The following MGME1 variants were observed in gnomAD, a reference collection of about 807,000 sequenced individuals.
MGME1 encodes the protein mitochondrial genome maintenance exonuclease 1, also known as chromosome 20 open reading frame 72.
MGME1 carries 22 observed loss-of-function variants against 33.0 expected under a neutral mutation model. The observed-to-expected ratio is 0.67, with a 90% CI of 0.48 to 0.95. The LOEUF is 0.95. MGME1 is among the 40% of genes least tolerant of loss of function. The pLI is 0.00. For synonymous variants in MGME1, 133 were observed against 144.0 expected, an observed-to-expected ratio of 0.92 and a Z score of 0.55; for missense variants, 383 against 397.8, an observed-to-expected ratio of 0.96 and a Z score of 0.32.
chr20:17,970,869 A>G (rs986649787), intron 2 of MGME1, among the ~76,000 whole-genome samples: 3 of 152,246 alleles, frequency 2.0e-5, no homozygotes, highest in Non-Finnish European at 4.4e-5. Context: ...GAGGTTCTTC[A>G]TAAGGATCTG....
intron 3 of MGME1, among the ~76,000 whole-genome samples, chr20:17,980,118 C>T (rs1351935284): frequency 6.6e-6 from 1 of 152,026 alleles, no homozygotes; most frequent in Non-Finnish European, 1.5e-5. Flanking sequence ...CTCTGCTTCC[C>T]GGGTTCAAGT....
intron 3 of MGME1, among the ~76,000 whole-genome samples, chr20:17,979,492 C>T (rs1005597980): frequency 7.3e-5 from 11 of 149,816 alleles, no homozygotes; most frequent in African/African-American, 2.2e-4. Flanking sequence ...GCTCACTGCA[C>T]GCTCCGCCTC....
At chr20:17,979,735 T>C (rs1424641150) in intron 3 of MGME1, among the ~76,000 whole-genome samples, 1 of 151,334 alleles carries the variant, frequency 6.6e-6, no homozygotes, top group Non-Finnish European at 1.5e-5. Context: ...TTTATTTTAT[T>C]TTAGTTTATT....
chr20:17,982,346 C>T (rs2036044524), intron 3 of MGME1, among the ~76,000 whole-genome samples: 2 of 152,078 alleles, frequency 1.3e-5, no homozygotes. Flanking sequence ...TCTCGAACTC[C>T]TGACCTCAGG....
At chr20:17,972,709 T>C (rs2035760450) in intron 2 of MGME1, 1 of 985,318 alleles carries the variant, frequency 1.0e-6, no homozygotes, top group African/African-American at 1.7e-5. Context: ...TAATCTAGGT[T>C]TTCATGTTTG....
chr20:17,981,941 C>T (rs1163451204), intron 3 of MGME1, among the ~76,000 whole-genome samples: 1 of 151,972 alleles, frequency 6.6e-6, no homozygotes, highest in Non-Finnish European at 1.5e-5. Context: ...ACTTGAGCCA[C>T]TGCACCTGGC....
intron 1 of MGME1, among the ~76,000 whole-genome samples, chr20:17,969,344 C>T (rs1013450308): frequency 1.3e-5 from 2 of 152,176 alleles, no homozygotes; most frequent in Admixed American, 6.5e-5. Context: ...CCCTCCAACC[C>T]GATTTCCACG....
At position 17,989,949 on chromosome 20, in the gene MGME1, G is replaced by T. The variant is rs770748778; in HGVS notation, c.875G>T (p.Gly292Val). 1 of 1,613,870 alleles carries T rather than the reference G, an allele frequency of 6.2e-7. No homozygotes were observed. Among genetic ancestry groups the T allele is most frequent in the East Asian group, 2.2e-5 (1 of 44,892 alleles). The change falls in exon 5 of 5, where the codon GGC becomes GTC. Residue 292 changes from glycine (G) to valine (V), a missense_variant. By Grantham distance (109) the Gly-to-Val change is moderately radical. Coordinates refer to ENST00000377710, the MANE Select transcript of MGME1 (RefSeq NM_052865.4). ...DTNYSFQVQC[G>V]LIVVAYKDGS... ...TGTGTTTCTTCCTAGGTTCAATGTG[G>T]CTTAATTGTGGTGGCCTACAAAGAT... is the stretch of plus-strand genomic sequence containing the variant.
intron 3 of MGME1, among the ~76,000 whole-genome samples, chr20:17,985,118 C>A (rs1320566752): frequency 6.7e-6 from 1 of 148,724 alleles, no homozygotes; most frequent in Non-Finnish European, 1.5e-5. Flanking sequence ...AGTATTATTA[C>A]AAGAGTCAAT....
At chr20:17,982,952 A>G (rs1384115672) in intron 3 of MGME1, among the ~76,000 whole-genome samples, 3 of 152,140 alleles carry the variant, frequency 2.0e-5, no homozygotes, top group Non-Finnish European at 4.4e-5. Context: ...TAAATATACA[A>G]TGCATTATTA....
At chr20:17,971,848 A>G (rs8119510) in intron 2 of MGME1, among the ~76,000 whole-genome samples, 1,806 of 152,238 alleles carry the variant, frequency 0.012, 32 homozygotes, top group African/African-American at 0.04. Context: ...TGATTCTCCC[A>G]TCTCAGCCTG....
In MGME1 at chr20:17,975,795, G is replaced by C; in HGVS notation, c.623G>C (p.Ser208Thr). ...ENLLKSGYIE[S>T]VQHILKDVSG... ...CTCCTCAAGTCTGGTTACATTGAAA[G>C]TGTCCAGCATATTCTGAAAGATGTC... is the stretch of plus-strand genomic sequence containing the variant. The change falls in exon 3 of 5, where the codon AGT (serine) becomes ACT (threonine). Residue 208 changes from serine (S) to threonine (T), a missense_variant. Ser to Thr is a moderately conservative substitution (Grantham distance 58, BLOSUM62 1). Transcript: ENST00000377710. The C allele has an allele frequency of 6.2e-7, 1 of 1,614,140 alleles. No individual in the cohort carries two copies. The highest frequency in any genetic ancestry group is 8.5e-7 in the Non-Finnish European group (1 of 1,180,006).
intron 1 of MGME1, 120 bp from the exon 2 acceptor site, chr20:17,969,681 C>T (rs1362603728): frequency 3.3e-6 from 2 of 607,440 alleles, no homozygotes; most frequent in Admixed American, 3.5e-5. Context: ...GGCAGGGTCT[C>T]GCTCTGTCGA....
In MGME1 at chr20:17,974,061, G is replaced by GTTTTT. The variant is rs34206000; in HGVS notation, c.512-1604_512-1600dup. ...TTGTGTTTGTTGAGTCTCTTTGTGT[G>GTTTTT]TTTTTTTTTTTTTTTTTTTTTTTGA... On this transcript the variant is annotated intron_variant, in intron 2 of 4. Transcript: ENST00000377710. 3.1e-3 allele frequency among the ~76,000 whole-genome samples: 262 copies of GTTTTT among 85,510 alleles called. 5 individuals carry two copies. The highest frequency in any genetic ancestry group is 4.3e-3 in the Non-Finnish European group (184 of 42,326). 56.1% of individuals were successfully genotyped at this position (85,510 alleles called of 152,430 possible).
intron 2 of MGME1, among the ~76,000 whole-genome samples, chr20:17,970,855 A>C (rs185683627): frequency 6.6e-6 from 1 of 152,352 alleles, no homozygotes; most frequent in East Asian, 1.9e-4. Context: ...GGTAAACATA[A>C]TCAGAGGTTC....
chr20:17,970,414 A>C, intron 2 of MGME1, 44 bp downstream of exon 2: 1 of 1,536,976 alleles, frequency 6.5e-7, no homozygotes, highest in Non-Finnish European at 8.7e-7. Flanking sequence ...TATGTTTTCT[A>C]TAATAGAGAG....
At chr20:17,968,769 TC>T (rs2035625192), upstream of MGME1, 1 of 334,720 alleles carries the variant, frequency 3.0e-6, no homozygotes, top group Middle Eastern at 8.5e-4. Context: ...ACGGACACTC[TC>T]CCAGCAAGAC....
At chr20:17,978,927 C>A (rs1197599744) in intron 3 of MGME1, among the ~76,000 whole-genome samples, 1 of 151,948 alleles carries the variant, frequency 6.6e-6, no homozygotes, top group Non-Finnish European at 1.5e-5. Context: ...CAGGCACCCA[C>A]CACCACGCCT....
At chr20:17,974,027 A>C (rs929455045) in intron 2 of MGME1, among the ~76,000 whole-genome samples, 36 of 147,380 alleles carry the variant, frequency 2.4e-4, no homozygotes, top group African/African-American at 8.5e-4. Context: ...AAACAAGTGA[A>C]TATATTTCTT....
Sources: allele counts gnomAD v4.1 joint callset (sites outside exome capture counted in the v4.1 genomes callset), GRCh38; gene constraint gnomAD v4.1.1; transcripts MANE v1.5; gene names NCBI Gene and HGNC (gene_info 2026-07-23, HGNC 2026-07-21).